USH2A: variants seen among roughly 807,000 people sequenced by gnomAD.
The protein encoded by USH2A is Usher syndrome 2A (autosomal recessive, mild).
In USH2A, 443 loss-of-function variants were observed where a neutral mutation model predicts 538.9. The observed-to-expected ratio is 0.82, with a 90% CI of 0.76 to 0.89. The LOEUF (loss-of-function observed/expected upper bound fraction) is 0.89. USH2A is among the 40% of genes least tolerant of loss of function. USH2A has a pLI of 0.00. For missense variants in USH2A, 6,633 were observed against 6,324.8 expected (o/e 1.05, Z -1.65); for synonymous variants, 2,413 against 2,273.5 (o/e 1.06, Z -1.75).
chr1:215,685,935 C>T (rs1328648387), intron 61 of USH2A, among the ~76,000 whole-genome samples: 2 of 152,020 alleles, frequency 1.3e-5, no homozygotes, highest in East Asian at 1.9e-4. Context: ...AAGATCAACT[C>T]ACAATACAAG....
At chr1:216,268,639 C>A (rs2036519730) in intron 11 of USH2A, among the ~76,000 whole-genome samples, 1 of 152,050 alleles carries the variant, frequency 6.6e-6, no homozygotes, top group South Asian at 2.1e-4. Context: ...ACAAGGATCC[C>A]GTAGGCTTGG....
intron 32 of USH2A, among the ~76,000 whole-genome samples, chr1:216,023,823 C>CT (rs1668901927): frequency 6.6e-6 from 1 of 151,456 alleles, no homozygotes; most frequent in African/African-American, 2.4e-5. Flanking sequence ...TTGCATTTTC[C>CT]TTTTTTTTCA....
At chr1:215,703,813 G>T (rs1200111540) in intron 61 of USH2A, among the ~76,000 whole-genome samples, 1 of 152,088 alleles carries the variant, frequency 6.6e-6, no homozygotes, top group Non-Finnish European at 1.5e-5. Flanking sequence ...CCTTTTCAGG[G>T]GAGTGGACAG....
chr1:216,084,572 A>G (rs2032059805), intron 25 of USH2A, 126 bp downstream of exon 25: 5 of 959,766 alleles, frequency 5.2e-6, no homozygotes, highest in African/African-American at 1.6e-5. Flanking sequence ...CACCATTGGA[A>G]TAACTAAGTA....
At position 216,096,285 on chromosome 1, in the gene USH2A, C is replaced by T. The variant is rs141081415; in HGVS notation, c.4758+798G>A. On this transcript the variant is annotated intron_variant, in intron 22 of 71. Transcript: ENST00000307340. ...ACTGAATGTGCCATGTTCTCGTCCA[C>T]CTCAGGCACTTAATATTTGCTATTT... is the stretch of plus-strand genomic sequence containing the variant. Among the ~76,000 whole-genome samples, 592 of 152,310 alleles carry T rather than the reference C, an allele frequency of 3.9e-3. 3 individuals carry two copies. Among genetic ancestry groups the T allele is most frequent in the African/African-American group, 0.014 (569 of 41,568 alleles).
chr1:216,018,252 G>T (rs528399085), intron 32 of USH2A, among the ~76,000 whole-genome samples: 2 of 152,328 alleles, frequency 1.3e-5, no homozygotes, highest in African/African-American at 4.8e-5. Context: ...TTATTGAAGA[G>T]AAATATGTCA....
chr1:215,888,621 C>A lies in USH2A; in HGVS notation c.8028G>T (p.Pro2676=). 2 of 1,614,116 alleles carry A rather than the reference C, an allele frequency of 1.2e-6. No homozygotes were observed. Among genetic ancestry groups the A allele is most frequent in the Non-Finnish European group, 1.7e-6 (2 of 1,180,014 alleles). The change falls in exon 41 of 72, where the codon CCG becomes CCT. Residue 2676 remains proline (P), a synonymous_variant. Transcript: ENST00000307340. ...KEEVTTLVTL[P]RSHSMRFIDK... is the part of the protein sequence containing the mutation. ...CAATAAACCTCATGGAATGACTCCT[C>A]GGGAGAGTCACCAGGGTAGTAACTT...
At chr1:215,826,356 G>A (rs1367524578) in intron 47 of USH2A, among the ~76,000 whole-genome samples, 1 of 152,160 alleles carries the variant, frequency 6.6e-6, no homozygotes, top group African/African-American at 2.4e-5. Flanking sequence ...GACCTCTCAA[G>A]AAAAACATAC....
chr1:216,009,819 C>T (rs993073527), intron 32 of USH2A, among the ~76,000 whole-genome samples: 1 of 152,168 alleles, frequency 6.6e-6, no homozygotes, highest in Admixed American at 6.5e-5. Context: ...CCCTCCCCAA[C>T]CTGACCAGCA....
At chr1:215,698,644 TC>T (rs1237251412) in intron 61 of USH2A, among the ~76,000 whole-genome samples, 2 of 152,250 alleles carry the variant, frequency 1.3e-5, no homozygotes, top group African/African-American at 4.8e-5. Flanking sequence ...TCTGTTCATA[TC>T]CTTTGCCCAC....
intron 70 of USH2A, among the ~76,000 whole-genome samples, chr1:215,630,480 G>GTATATATATATA (rs1443855975): frequency 1.9e-5 from 2 of 105,920 alleles, no homozygotes; most frequent in Non-Finnish European, 3.6e-5. Context: ...GTATGTGTGT[G>GTATATATATATA]TGTATATATA....
chr1:216,225,194 A>G (rs1245305302), intron 14 of USH2A, among the ~76,000 whole-genome samples: 1 of 152,190 alleles, frequency 6.6e-6, no homozygotes, highest in Non-Finnish European at 1.5e-5. Flanking sequence ...CAATATAGCC[A>G]ATGTTGGTGT....
intron 61 of USH2A, among the ~76,000 whole-genome samples, chr1:215,712,659 G>C (rs1008568942): frequency 6.6e-6 from 1 of 152,168 alleles, no homozygotes; most frequent in Admixed American, 6.5e-5. Context: ...TCTACCTGGA[G>C]TCTTGGGTCA....
At chr1:216,032,740 C>T (rs953559311) in intron 32 of USH2A, among the ~76,000 whole-genome samples, 2 of 152,008 alleles carry the variant, frequency 1.3e-5, no homozygotes, top group African/African-American at 2.4e-5. Flanking sequence ...TGGAGGGAGC[C>T]ATGTGAAAGG....
intron 2 of USH2A, among the ~76,000 whole-genome samples, chr1:216,420,278 C>T (rs1007554907): frequency 1.3e-5 from 2 of 152,040 alleles, no homozygotes; most frequent in Admixed American, 6.6e-5. Flanking sequence ...AAATGCATTT[C>T]TTAATATGTT....
chr1:215,739,945 C>T (rs185521199), intron 60 of USH2A, among the ~76,000 whole-genome samples: 489 of 152,210 alleles, frequency 3.2e-3, no homozygotes, highest in African/African-American at 0.01. Flanking sequence ...TGAAGAGGTG[C>T]GGGGTATGAG....
intron 22 of USH2A, among the ~76,000 whole-genome samples, chr1:216,095,642 G>C (rs17026080): frequency 0.043 from 6,608 of 152,230 alleles, 478 homozygotes; most frequent in African/African-American, 0.15. Context: ...AGTTAGCAGA[G>C]CCCTGTCAAG....
rs139480075 is a variant in USH2A, at chr1:215,968,707, C to G, written c.6957+1918G>C. 2.3e-3 allele frequency among the ~76,000 whole-genome samples: 356 copies of G among 152,136 alleles called. 9 individuals carry two copies. The highest frequency in any genetic ancestry group is 5.9e-4 in the Non-Finnish European group (40 of 67,974). The stretch of plus-strand genomic sequence containing the variant: ...ATATTAGATGAACAAAAAAATTGAA[C>G]TCTTTCAAAATTTATTCTGATTTCT... On this transcript the variant is annotated intron_variant, in intron 36 of 71. Transcript: ENST00000307340.
At chr1:215,626,248 C>A (rs1656019165) in intron 71 of USH2A, among the ~76,000 whole-genome samples, 1 of 149,406 alleles carries the variant, frequency 6.7e-6, no homozygotes, top group Admixed American at 6.7e-5. Context: ...TATATATACA[C>A]ACTATATAGA....
Sources: gnomAD v4.1 joint callset for allele counts (sites outside exome capture counted in the v4.1 genomes callset) on GRCh38, gnomAD v4.1.1 for gene constraint, MANE v1.5 for transcripts, NCBI Gene and HGNC (gene_info 2026-07-23, HGNC 2026-07-21) for gene names.